Variants in MYH3 observed in about 807,000 individuals in gnomAD.
The protein encoded by MYH3 is myosin-3.
A neutral mutation model predicts 238.0 loss-of-function variants in MYH3; 130 were observed. The ratio of observed to expected loss-of-function variants is 0.55; its 90% CI spans 0.47 to 0.63. The LOEUF is 0.63. MYH3 is among the 30% of genes least tolerant of loss of function. MYH3 has a pLI of 0.00. For synonymous variants in MYH3, 880 were observed against 924.1 expected, an observed-to-expected ratio of 0.95 and a Z score of 0.86; for missense variants, 1,853 against 2,374.9, an observed-to-expected ratio of 0.78 and a Z score of 4.57.
rs774393423 is a variant in MYH3 at position 10,637,955 on chromosome 17, GAGCAAAGTCAGTC to G, written c.3730-33_3730-21del. 5 of 1,614,044 alleles carry G rather than the reference GAGCAAAGTCAGTC, an allele frequency of 3.1e-6. No homozygotes were observed. In the African/African-American group the frequency reaches 4.0e-5, roughly 13 times the overall value. ...ATTTGCCTGAAGGATTCAGAAAGGG[GAGCAAAGTCAGTC>G]AGCAAAGTCAGGTTTCAATGACCAC... On this transcript the variant is annotated intron_variant, in intron 27 of 40. Transcript: ENST00000583535.
At chr17:10,660,658 C>T (rs2074474063), upstream of MYH3, among the ~76,000 whole-genome samples, 1 of 140,450 alleles carries the variant, frequency 7.1e-6, no homozygotes, top group African/African-American at 2.7e-5. Flanking sequence ...GGCTGGGCGA[C>T]AGAGTGAGAC....
chr17:10,654,409 C>G lies in MYH3; in HGVS notation c.204+452G>C, dbSNP rs1365775689. On this transcript the variant is annotated intron_variant, in intron 3 of 40. Coordinates refer to ENST00000583535, the MANE Select transcript of MYH3 (RefSeq NM_002470.4). This position sits in a 1 kb window ranked among gnomAD's most constrained non-coding sequence, Gnocchi z 4.5. ...TCCCCTTCATGATACAAGGAGGCTG[C>G]TATTTCACTGAGCTTGTGGTCCCCT... Among the ~76,000 whole-genome samples the G allele has an allele frequency of 1.3e-5, 2 of 152,200 alleles. No homozygotes were observed. The highest frequency in any genetic ancestry group is 4.8e-5 in the African/African-American group (2 of 41,456).
At position 10,634,198 on chromosome 17, in the gene MYH3, G is replaced by C; in HGVS notation, c.4357-16C>G. ...CTGCCAACACCTGAAACACCGGACG[G>C]AAGTTCTCTCCGTTTCTGAGCTCTC... is the stretch of plus-strand genomic sequence containing the variant. On this transcript the variant is annotated splice_polypyrimidine_tract_variant and intron_variant, in intron 31 of 40. Transcript: ENST00000583535. 6.2e-7 allele frequency: 1 copy of C among 1,614,042 alleles called. No homozygotes were observed. Among genetic ancestry groups the C allele is most frequent in the Non-Finnish European group, 8.5e-7 (1 of 1,180,018 alleles).
rs767314432 is a variant in MYH3 at position 10,641,068 on chromosome 17, A to G, written c.2165+17T>C. The G allele has an allele frequency of 6.5e-7, 1 of 1,536,316 alleles. No homozygotes were observed. Among genetic ancestry groups the G allele is most frequent in the Non-Finnish European group, 9.0e-7 (1 of 1,110,238 alleles). On this transcript the variant is annotated intron_variant, in intron 19 of 40. Coordinates refer to ENST00000583535, the MANE Select transcript of MYH3 (RefSeq NM_002470.4). The stretch of plus-strand genomic sequence containing the variant: ...TACATCTCATCCCCAAGCATATAGA[A>G]CATGTTTATTACACACCTTTGTTTA...
At chr17:10,651,389 C>T (rs1026359319) in intron 5 of MYH3, 123 bp downstream of exon 5, 16 of 1,561,604 alleles carry the variant, frequency 1.0e-5, no homozygotes, top group Non-Finnish European at 1.4e-5. Context: ...TCTTTTGGCT[C>T]CTTCTTCCTC....
chr17:10,660,862 G>A (rs1179785672), upstream of MYH3, among the ~76,000 whole-genome samples: 1 of 151,888 alleles, frequency 6.6e-6, no homozygotes, highest in Non-Finnish European at 1.5e-5. Flanking sequence ...GTGGGTGCCT[G>A]TAATCCCAGC....
At chr17:10,668,896 G>C in the MYH3 span, among the ~76,000 whole-genome samples, 1 of 152,132 alleles carries the variant, frequency 6.6e-6, no homozygotes, top group East Asian at 1.9e-4. Flanking sequence ...TTTCTCTTAA[G>C]ATGTTAATGT....
Position 10,640,559 on chromosome 17 carries a change from T to C in MYH3, c.2289+4A>G, listed in dbSNP as rs111835858. 655 of 1,614,254 alleles carry C rather than the reference T, an allele frequency of 4.1e-4. 4 individuals carry two copies. In the African/African-American group the frequency reaches 7.1e-3, roughly 17 times the overall value. ...GCCAGCATCTGTCAGAACTGATGCA[T>C]TACCTTGGTATGTCCAAATTTGTAC... On this transcript the variant is annotated splice_donor_region_variant and intron_variant, in intron 20 of 40. Transcript: ENST00000583535.
At chr17:10,629,797 A>G (rs751472661) in intron 39 of MYH3, 45 bp downstream of exon 39, 1 of 1,613,954 alleles carries the variant, frequency 6.2e-7, no homozygotes, top group African/African-American at 1.3e-5. Context: ...TCACCACGGG[A>G]AACAGCACGG....
Position 10,633,688 on chromosome 17 carries a change from A to G in MYH3, c.4550T>C (p.Ile1517Thr). 1.9e-6 allele frequency: 3 copies of G among 1,614,064 alleles called. No individual in the cohort carries two copies. Among genetic ancestry groups the G allele is most frequent in the Non-Finnish European group, 2.5e-6 (3 of 1,180,012 alleles). ...ATGGATGGTTTTGCCATTTTCAGCA[A>G]TTTGTTCTGTGAGATCTGCTATCTC... is the stretch of plus-strand genomic sequence containing the variant. ...EQEIADLTEQ[I>T]AENGKTIHEL... The change falls in exon 33 of 41, where the codon ATT becomes ACT. Residue 1517 changes from isoleucine to threonine, a missense_variant. Physicochemically the swap from Ile to Thr is moderately conservative, Grantham distance 89. This residue lies in a region of MYH3 where 1,044 missense variants were observed against 1,192.6 expected (regional missense o/e 0.88). Coordinates refer to ENST00000583535, the MANE Select transcript of MYH3 (RefSeq NM_002470.4).
At chr17:10,669,582 A>G in the MYH3 span, among the ~76,000 whole-genome samples, 3 of 145,554 alleles carry the variant, frequency 2.1e-5, no homozygotes, top group Non-Finnish European at 4.6e-5. Flanking sequence ...AAAAAAAAAA[A>G]AAGAGGAGTT....
the MYH3 span, among the ~76,000 whole-genome samples, chr17:10,669,887 G>C: frequency 6.6e-6 from 1 of 152,204 alleles, no homozygotes; most frequent in East Asian, 1.9e-4. Context: ...CTCCAGCCTG[G>C]GTGACAGACT....
At chr17:10,629,799 A>T in intron 39 of MYH3, 43 bp downstream of exon 39, 2 of 1,614,072 alleles carry the variant, frequency 1.2e-6, no homozygotes, top group Non-Finnish European at 8.5e-7. Context: ...ACCACGGGAA[A>T]CAGCACGGTC....
At chr17:10,666,266 G>T in the MYH3 span, among the ~76,000 whole-genome samples, 1 of 152,154 alleles carries the variant, frequency 6.6e-6, no homozygotes, top group African/African-American at 2.4e-5. Flanking sequence ...AATCTTTATA[G>T]GAAAATTAAA....
At chr17:10,628,729 TC>T in intron 40 of MYH3, 50 bp from the exon 41 acceptor site, 1 of 1,600,164 alleles carries the variant, frequency 6.2e-7, no homozygotes, top group Non-Finnish European at 8.6e-7. Flanking sequence ...AGAGACACAT[TC>T]CCACCCACCA....
At position 10,638,778 on chromosome 17, in the gene MYH3, G is replaced by T. The variant is rs573656395; in HGVS notation, c.3339+95C>A. The T allele has an allele frequency of 1.4e-5, 18 of 1,300,134 alleles. No homozygotes were observed. The East Asian group carries it at 3.6e-4, about 26-fold the overall frequency. The allele number at this position is 1,300,134 out of a possible 1,614,324, so 80.5% of individuals were successfully genotyped here. On this transcript the variant is annotated intron_variant, in intron 26 of 40. Transcript: ENST00000583535. ...GAACCATGAGGCAGGTGGCCCCACA[G>T]TCTTGCCCACTTTCTCTAAATGGCT...
At chr17:10,671,074 A>G in the MYH3 span, among the ~76,000 whole-genome samples, 1 of 151,962 alleles carries the variant, frequency 6.6e-6, no homozygotes. Flanking sequence ...TTGTACTTTT[A>G]GTAGAGACGG....
chr17:10,628,923 C>G (rs2074122227), intron 40 of MYH3, among the ~76,000 whole-genome samples: 1 of 152,234 alleles, frequency 6.6e-6, no homozygotes, highest in African/African-American at 2.4e-5. Context: ...GCTGTGTGTT[C>G]AGCGGGCTCT....
chr17:10,667,189 C>T, the MYH3 span, among the ~76,000 whole-genome samples: 62 of 152,328 alleles, frequency 4.1e-4, no homozygotes, highest in African/African-American at 1.3e-3. Flanking sequence ...CGTGCAATTT[C>T]CCTTCCATTG....
Sources: allele counts gnomAD v4.1 joint callset (sites outside exome capture counted in the v4.1 genomes callset), GRCh38; gene constraint gnomAD v4.1.1; regional missense constraint gnomAD v4.1.1; non-coding constraint Gnocchi (gnomAD v3.1); transcripts MANE v1.5; gene names NCBI Gene and HGNC (gene_info 2026-07-23, HGNC 2026-07-21).